Variants in PPM1H observed in about 807,000 individuals in gnomAD.
PPM1H encodes protein phosphatase, Mg2+/Mn2+ dependent 1H.
PPM1H carries 27 observed loss-of-function variants against 54.9 expected under a neutral mutation model. The observed-to-expected ratio is 0.49, with a 90% confidence interval of 0.36 to 0.68. PPM1H has a LOEUF of 0.68. PPM1H is among the 30% of genes least tolerant of loss of function. The probability of loss-of-function intolerance (pLI) is 0.00; values close to 1 mark genes in which losing one functional copy is unlikely to be tolerated. For missense variants in PPM1H, 596 were observed against 667.8 expected (o/e 0.89, Z 1.19); for synonymous variants, 305 against 270.8 (o/e 1.13, Z -1.24).
rs138485287 is a variant in PPM1H, at chr12:62,838,493, T to A, written c.246-6214A>T. Among the ~76,000 whole-genome samples the A allele has an allele frequency of 2.4e-3, 370 of 152,222 alleles. 9 individuals are homozygous for A. The highest frequency in any genetic ancestry group is 0.018 in the Admixed American group (277 of 15,296). ...GGCTGGAAAAGAAGGACAACTTAATTCCTAGCTGCAGTAATAACCTCTTAT... is the reference window on the plus strand; with the variant it reads ...GGCTGGAAAAGAAGGACAACTTAATACCTAGCTGCAGTAATAACCTCTTAT... On this transcript the variant is annotated intron_variant, in intron 1 of 9. Coordinates refer to ENST00000228705, the MANE Select transcript of PPM1H (RefSeq NM_020700.2).
At chr12:62,853,765 G>A (rs1224303745) in intron 1 of PPM1H, among the ~76,000 whole-genome samples, 2 of 152,132 alleles carry the variant, frequency 1.3e-5, no homozygotes, top group Non-Finnish European at 2.9e-5. Flanking sequence ...CACAATATAT[G>A]CAAGGGGAAG....
chr12:62,775,026 G>C (rs139243254), intron 4 of PPM1H, among the ~76,000 whole-genome samples: 8 of 152,326 alleles, frequency 5.3e-5, no homozygotes, highest in Non-Finnish European at 1.2e-4. Context: ...CAAGGATTCT[G>C]ATTCAGTAAG....
intron 9 of PPM1H, among the ~76,000 whole-genome samples, chr12:62,665,575 T>A (rs1389905731): frequency 6.6e-6 from 1 of 152,246 alleles, no homozygotes; most frequent in African/African-American, 2.4e-5. Flanking sequence ...ATTAGATCAA[T>A]TTTCTAGTTC....
At chr12:62,804,846 T>G (rs894796344) in intron 2 of PPM1H, among the ~76,000 whole-genome samples, 1 of 151,166 alleles carries the variant, frequency 6.6e-6, no homozygotes, top group African/African-American at 2.4e-5. Flanking sequence ...CGGCTAATTT[T>G]TTGTATTTTT....
intron 2 of PPM1H, among the ~76,000 whole-genome samples, chr12:62,807,779 A>G (rs746118491): frequency 2.0e-5 from 3 of 152,218 alleles, no homozygotes; most frequent in Non-Finnish European, 2.9e-5. Flanking sequence ...CTCAGCTGTT[A>G]AAAGTGTAAG....
intron 4 of PPM1H, among the ~76,000 whole-genome samples, chr12:62,750,132 T>A (rs1314982851): frequency 2.0e-5 from 3 of 152,086 alleles, no homozygotes; most frequent in African/African-American, 4.8e-5. Context: ...CTGCATACCA[T>A]AAAATATACC....
chr12:62,737,217 T>TAAAAAAAAAAAAAAAAA (rs111659461), intron 5 of PPM1H, among the ~76,000 whole-genome samples: 1 of 134,310 alleles, frequency 7.4e-6, no homozygotes. Flanking sequence ...AAGAAGCCAT[T>TAAAAAAAAAAAAAAAAA]AAAAAAAAAA....
intron 1 of PPM1H, among the ~76,000 whole-genome samples, chr12:62,929,526 T>C (rs894091267): frequency 2.3e-4 from 35 of 152,332 alleles, no homozygotes; most frequent in African/African-American, 8.2e-4. Context: ...CTAGTACTGC[T>C]GTAACCTTAA....
chr12:62,762,527 C>A (rs1369031047), intron 4 of PPM1H, among the ~76,000 whole-genome samples: 1 of 152,168 alleles, frequency 6.6e-6, no homozygotes, highest in Admixed American at 6.5e-5. Flanking sequence ...CGAAAATGAT[C>A]CTTATAGCAG....
intron 4 of PPM1H, among the ~76,000 whole-genome samples, chr12:62,744,711 G>C (rs1011327418): frequency 6.6e-6 from 1 of 152,176 alleles, no homozygotes; most frequent in Non-Finnish European, 1.5e-5. Flanking sequence ...GGCCTCACGG[G>C]GGAAGCTGCC....
At chr12:62,746,508 C>T (rs2076411960) in intron 4 of PPM1H, among the ~76,000 whole-genome samples, 1 of 152,184 alleles carries the variant, frequency 6.6e-6, no homozygotes, top group Non-Finnish European at 1.5e-5. Context: ...GAGTTCCAGG[C>T]CCAGACAGCC....
chr12:62,690,904 G>A (rs912540543), intron 7 of PPM1H, among the ~76,000 whole-genome samples: 9 of 152,174 alleles, frequency 5.9e-5, no homozygotes, highest in African/African-American at 2.2e-4. Context: ...CTGGAAGGTG[G>A]AGGTTGCAGT....
intron 1 of PPM1H, among the ~76,000 whole-genome samples, chr12:62,916,410 T>C (rs893878994): frequency 6.6e-6 from 1 of 152,170 alleles, no homozygotes; most frequent in Non-Finnish European, 1.5e-5. Context: ...TCTCATAATA[T>C]AGTCTGAAAA....
At chr12:62,831,776 C>CAT (rs1271636040) in intron 2 of PPM1H, among the ~76,000 whole-genome samples, 1 of 146,646 alleles carries the variant, frequency 6.8e-6, no homozygotes, top group South Asian at 2.2e-4. Flanking sequence ...TATATACACA[C>CAT]ATATATATAC....
intron 1 of PPM1H, among the ~76,000 whole-genome samples, chr12:62,899,906 G>A (rs773008726): frequency 6.6e-6 from 1 of 152,184 alleles, no homozygotes; most frequent in Non-Finnish European, 1.5e-5. Flanking sequence ...AGGTGAGGGT[G>A]GTGCCCTCAC....
chr12:62,709,079 T>C (rs2076192217), intron 6 of PPM1H, among the ~76,000 whole-genome samples: 1 of 152,164 alleles, frequency 6.6e-6, no homozygotes, highest in African/African-American at 2.4e-5. Flanking sequence ...AATTACCTAG[T>C]TTCATGGTTT....
chr12:62,696,000 A>C (rs1230555443), intron 6 of PPM1H, among the ~76,000 whole-genome samples: 1 of 151,826 alleles, frequency 6.6e-6, no homozygotes, highest in African/African-American at 2.4e-5. Context: ...CTGGTGTAGA[A>C]GAGTTGGGTC....
intron 4 of PPM1H, among the ~76,000 whole-genome samples, chr12:62,752,065 G>A (rs115344618): frequency 1.3e-5 from 2 of 152,184 alleles, no homozygotes; most frequent in African/African-American, 4.8e-5. Context: ...TGGCTGTGGT[G>A]AAATGAAAAG....
chr12:62,820,213 A>G (rs1446037336), intron 2 of PPM1H, among the ~76,000 whole-genome samples: 25 of 152,262 alleles, frequency 1.6e-4, no homozygotes. Flanking sequence ...GGCGTCTGCC[A>G]CTGCTGAAGC....
Sources: allele counts gnomAD v4.1 joint callset (sites outside exome capture counted in the v4.1 genomes callset), GRCh38; gene constraint gnomAD v4.1.1; transcripts MANE v1.5; gene names NCBI Gene and HGNC (gene_info 2026-07-23, HGNC 2026-07-21).